The following TRERF1 variants were observed in gnomAD, a reference collection of about 807,000 sequenced individuals.
TRERF1 encodes the protein transcriptional-regulating factor 1.
Under a neutral mutation model 122.9 loss-of-function variants are expected in TRERF1, and 27 were observed. That is an observed-to-expected ratio of 0.22 (90% confidence interval 0.16 to 0.30). TRERF1 has a LOEUF of 0.30. Among genes scored for constraint, TRERF1 ranks in the 10% least tolerant of loss-of-function variants. TRERF1 has a pLI of 1.00. For synonymous variants in TRERF1, 636 were observed against 641.7 expected, an observed-to-expected ratio of 0.99 and a Z score of 0.13; for missense variants, 1,248 against 1,560.3, an observed-to-expected ratio of 0.80 and a Z score of 3.37.
In TRERF1 at chr6:42,263,353, G is replaced by A. The variant is rs138195934; in HGVS notation, c.1851C>T (p.Ala617=). The change falls in exon 8 of 18, where the codon GCC becomes GCT. Residue 617 remains alanine, a synonymous_variant. Transcript: ENST00000372922. This position sits in a 1 kb window ranked among gnomAD's most constrained non-coding sequence, Gnocchi z 5.6. The stretch of plus-strand genomic sequence containing the variant: ...GCATCTCGTCGTCCGACATCGAGCT[G>A]GCTGGCTTGTCTCTGGCGGAGGGGG... 45 of 1,613,048 alleles carry A rather than the reference G, an allele frequency of 2.8e-5. No individual in the cohort carries two copies. Among genetic ancestry groups the A allele is most frequent in the Non-Finnish European group, 3.6e-5 (43 of 1,179,660 alleles).
chr6:42,238,198 G>A (rs752354333), intron 15 of TRERF1, among the ~76,000 whole-genome samples: 5 of 152,232 alleles, frequency 3.3e-5, no homozygotes, highest in Admixed American at 6.5e-5. Context: ...ATGGCCTACA[G>A]TTTGGCATTT....
chr6:42,368,354 G>A (rs942437707), intron 2 of TRERF1, among the ~76,000 whole-genome samples: 1 of 152,004 alleles, frequency 6.6e-6, no homozygotes, highest in African/African-American at 2.4e-5. Context: ...TTGGCTCCTC[G>A]GCGCCCCCAC....
intron 2 of TRERF1, among the ~76,000 whole-genome samples, chr6:42,417,756 T>G (rs1782046366): frequency 2.0e-5 from 3 of 152,174 alleles, no homozygotes; most frequent in South Asian, 4.1e-4. Flanking sequence ...AGAGCCCCTG[T>G]GGGCTCCAGG....
At chr6:42,337,038 G>C (rs1405292913) in intron 3 of TRERF1, among the ~76,000 whole-genome samples, 1 of 152,166 alleles carries the variant, frequency 6.6e-6, no homozygotes, top group Admixed American at 6.5e-5. Context: ...TTTGGAATGG[G>C]GTGGGAAGAA....
At position 42,304,465 on chromosome 6, in the gene TRERF1, C is replaced by T. The variant is rs1051633556; in HGVS notation, c.-370-3716G>A. ...GTGGCAGCTGTTGCTAGCACTATAC[C>T]CAGTGAGTGGGGATAATCATGCCCC... On this transcript the variant is annotated intron_variant, in intron 3 of 17. Transcript: ENST00000372922. Among the ~76,000 whole-genome samples, 7 of 152,310 alleles carry T rather than the reference C, an allele frequency of 4.6e-5. No individual in the cohort carries two copies. The East Asian group carries it at 1.4e-3, about 29-fold the overall frequency.
intron 3 of TRERF1, among the ~76,000 whole-genome samples, chr6:42,324,486 T>A (rs1763957010): frequency 6.6e-6 from 1 of 152,178 alleles, no homozygotes; most frequent in Admixed American, 6.5e-5. Context: ...GGCATCACAT[T>A]ACCTTACTTC....
chr6:42,311,837 C>T (rs1761722006), intron 3 of TRERF1, among the ~76,000 whole-genome samples: 1 of 148,634 alleles, frequency 6.7e-6, no homozygotes, highest in South Asian at 2.2e-4. Flanking sequence ...GTCTGATTCA[C>T]TTTTCACGTG....
At chr6:42,439,151 CA>C (rs1786019735) in intron 2 of TRERF1, among the ~76,000 whole-genome samples, 2 of 152,216 alleles carry the variant, frequency 1.3e-5, no homozygotes, top group Non-Finnish European at 2.9e-5. Flanking sequence ...GTGTTTCCAA[CA>C]CTTTCCTAAG....
intron 3 of TRERF1, among the ~76,000 whole-genome samples, chr6:42,325,022 C>G (rs1764051850): frequency 6.6e-6 from 1 of 152,086 alleles, no homozygotes; most frequent in Non-Finnish European, 1.5e-5. Context: ...GGTCTAATAT[C>G]CAGAATCTAT....
intron 3 of TRERF1, among the ~76,000 whole-genome samples, chr6:42,315,954 T>C (rs1266307706): frequency 1.3e-5 from 2 of 152,036 alleles, no homozygotes; most frequent in African/African-American, 4.8e-5. Flanking sequence ...AAGATGCACA[T>C]GAGGACCCAA....
intron 2 of TRERF1, among the ~76,000 whole-genome samples, chr6:42,436,775 A>C: frequency 7.3e-6 from 1 of 137,034 alleles, no homozygotes; most frequent in South Asian, 2.4e-4. Context: ...TATAATCACT[A>C]TGAATTATTT....
intron 2 of TRERF1, among the ~76,000 whole-genome samples, chr6:42,423,501 A>T (rs1783118009): frequency 6.6e-6 from 1 of 152,074 alleles, no homozygotes. Context: ...AAGGAATCAC[A>T]CACCTGGCTG....
intron 2 of TRERF1, among the ~76,000 whole-genome samples, chr6:42,436,464 A>G (rs1026728461): frequency 3.3e-5 from 5 of 152,126 alleles, no homozygotes; most frequent in Admixed American, 6.5e-5. Context: ...CCCTAATATG[A>G]TTTTGAAAGC....
At chr6:42,348,221 T>C (rs533575145) in intron 3 of TRERF1, among the ~76,000 whole-genome samples, 4 of 152,058 alleles carry the variant, frequency 2.6e-5, no homozygotes, top group Admixed American at 6.6e-5. Flanking sequence ...ACACCCATAC[T>C]TCCCTGGCTC....
intron 15 of TRERF1, among the ~76,000 whole-genome samples, chr6:42,239,748 T>G (rs1773196704): frequency 6.6e-6 from 1 of 152,042 alleles, no homozygotes; most frequent in Non-Finnish European, 1.5e-5. Flanking sequence ...AGGATCCCCA[T>G]GATCCCAATT....
intron 2 of TRERF1, among the ~76,000 whole-genome samples, chr6:42,443,050 T>C (rs1302454030): frequency 6.6e-6 from 1 of 152,262 alleles, no homozygotes; most frequent in African/African-American, 2.4e-5. Flanking sequence ...GCGAGTTATT[T>C]CAGTGATGGC....
chr6:42,357,082 G>T (rs191552065), intron 3 of TRERF1, among the ~76,000 whole-genome samples: 1 of 152,054 alleles, frequency 6.6e-6, no homozygotes. Flanking sequence ...TGTAATCCCA[G>T]CATTTTGGGA....
At chr6:42,378,097 C>T (rs1775224039) in intron 2 of TRERF1, among the ~76,000 whole-genome samples, 1 of 152,174 alleles carries the variant, frequency 6.6e-6, no homozygotes, top group African/African-American at 2.4e-5. Flanking sequence ...GGGACTATTA[C>T]TGCTGTGTTA....
chr6:42,408,008 G>C (rs1780442707), intron 2 of TRERF1, among the ~76,000 whole-genome samples: 1 of 151,484 alleles, frequency 6.6e-6, no homozygotes, highest in Non-Finnish European at 1.5e-5. Context: ...AAAAAAGAAA[G>C]TGAAACACCT....
Sources: gnomAD v4.1 joint callset for allele counts (sites outside exome capture counted in the v4.1 genomes callset) on GRCh38, gnomAD v4.1.1 for gene constraint, Gnocchi (gnomAD v3.1) non-coding constraint, MANE v1.5 for transcripts, NCBI Gene and HGNC (gene_info 2026-07-23, HGNC 2026-07-21) for gene names.